Variants in POLR1A observed in about 807,000 individuals in gnomAD.
The protein encoded by POLR1A is RNA polymerase I subunit A, also known as DNA-directed RNA polymerase I subunit RPA1.
POLR1A carries 84 observed loss-of-function variants against 205.3 expected under a neutral mutation model. That is an observed-to-expected ratio of 0.41 (90% CI 0.34 to 0.49). POLR1A has a LOEUF of 0.49. Ranked by LOEUF, POLR1A falls within the 20% of genes least tolerant of loss-of-function variation. The pLI is 0.22. For missense variants in POLR1A, 1,645 were observed against 2,204.5 expected (o/e 0.75, Z 5.08); for synonymous variants, 799 against 863.7 (o/e 0.93, Z 1.31).
intron 18 of POLR1A, 107 bp from the exon 19 acceptor site, chr2:86,047,370 C>A: frequency 1.4e-6 from 1 of 734,902 alleles, no homozygotes; most frequent in South Asian, 1.6e-5. Flanking sequence ...AATATTTATT[C>A]AGACCTAAGT....
rs150125361 is a variant in POLR1A, at chr2:86,043,687, T to A, written c.3135+452A>T. ...TGGTCACTACAAGGGCATTAAGGTA[T>A]ACAATGAAAATCATGAGTTTGTGTC... On this transcript the variant is annotated intron_variant, in intron 22 of 33. Coordinates refer to ENST00000263857, the MANE Select transcript of POLR1A (RefSeq NM_015425.6). Among the ~76,000 whole-genome samples the A allele has an allele frequency of 2.0e-5, 3 of 152,268 alleles. No homozygotes were observed. In the East Asian group the frequency reaches 5.8e-4, roughly 29 times the overall value.
intron 1 of POLR1A, among the ~76,000 whole-genome samples, chr2:86,100,472 G>A (rs1673792451): frequency 6.6e-6 from 1 of 151,326 alleles, no homozygotes; most frequent in Non-Finnish European, 1.5e-5. Flanking sequence ...CTGGTAAACT[G>A]TTCATAAAAA....
rs940300113 is a variant in POLR1A at position 86,039,562 on chromosome 2, G to A, written c.3741-100C>T. The A allele has an allele frequency of 1.7e-5, 23 of 1,383,686 alleles. No homozygotes were observed. In the African/African-American group the frequency reaches 2.9e-4, roughly 17 times the overall value. The allele number at this position is 1,383,686 out of a possible 1,614,324, so 85.7% of individuals were successfully genotyped here. ...ATGTCAGAGTTCTTTTGGAATCTGAGAGAGGCCTGGGGATCTCACAGGGAT... is the reference window on the plus strand; with the variant it reads ...ATGTCAGAGTTCTTTTGGAATCTGAAAGAGGCCTGGGGATCTCACAGGGAT... On this transcript the variant is annotated intron_variant, in intron 25 of 33. Coordinates refer to ENST00000263857, the MANE Select transcript of POLR1A (RefSeq NM_015425.6).
intron 16 of POLR1A, among the ~76,000 whole-genome samples, chr2:86,049,893 A>T (rs1573811106): frequency 1.3e-5 from 2 of 149,988 alleles, no homozygotes; most frequent in Non-Finnish European, 3.0e-5. Context: ...TTCCACATCA[A>T]CTCTTGATCA....
In POLR1A at chr2:86,089,859, A is replaced by AGG; in HGVS notation, c.502_503insCC (p.Ile168ThrfsTer15). The AGG allele has an allele frequency of 6.2e-7, 1 of 1,613,004 alleles. No homozygotes were observed. Among genetic ancestry groups the AGG allele is most frequent in the South Asian group, 1.1e-5 (1 of 91,058 alleles). On this transcript the variant is annotated frameshift_variant, in exon 4 of 34. Transcript: ENST00000263857. LOFTEE classifies it high-confidence loss of function. Reference sequence around the variant, plus strand: ...GGACCCCAGGAGGTTGTTCTGCACAATTTCAGTTGTGTATTGTTCTAATTC... The same window carrying AGG: ...GGACCCCAGGAGGTTGTTCTGCACAAGGTTTCAGTTGTGTATTGTTCTAATTC...
intron 13 of POLR1A, among the ~76,000 whole-genome samples, chr2:86,066,100 G>C (rs1673078824): frequency 6.6e-6 from 1 of 152,184 alleles, no homozygotes; most frequent in African/African-American, 2.4e-5. Flanking sequence ...ATAGACTTGA[G>C]GTGAGGGGGA....
chr2:86,078,659 C>T (rs1673342052), intron 9 of POLR1A, among the ~76,000 whole-genome samples: 1 of 152,174 alleles, frequency 6.6e-6, no homozygotes, highest in African/African-American at 2.4e-5. Context: ...TGCCAGATAA[C>T]CAATTCTCAC....
chr2:86,086,389 C>T (rs772460279), intron 6 of POLR1A, among the ~76,000 whole-genome samples: 3 of 152,206 alleles, frequency 2.0e-5, no homozygotes, highest in Non-Finnish European at 4.4e-5. Context: ...CCCAGCCTAG[C>T]CCTCACTTTT....
intron 1 of POLR1A, 138 bp downstream of exon 1, chr2:86,105,562 C>G (rs1673910705): frequency 4.9e-6 from 3 of 617,394 alleles, no homozygotes; most frequent in Non-Finnish European, 8.6e-6. Context: ...GTTCCCAGAA[C>G]TACGGCTCCC....
intron 1 of POLR1A, among the ~76,000 whole-genome samples, chr2:86,102,552 T>C (rs751943845): frequency 6.6e-6 from 1 of 152,244 alleles, no homozygotes; most frequent in Non-Finnish European, 1.5e-5. Flanking sequence ...ACAAATATTT[T>C]CCCCCATTCC....
rs200206334 is a variant in POLR1A at position 86,042,066 on chromosome 2, C to T, written c.3395G>A (p.Arg1132Gln). The change falls in exon 24 of 34, where the codon CGA becomes CAA. Residue 1132 changes from arginine (R) to glutamine (Q), a missense_variant. By Grantham distance (43) the Arg-to-Gln change is conservative (BLOSUM62 1). Coordinates refer to ENST00000263857, the MANE Select transcript of POLR1A (RefSeq NM_015425.6). ...GGCCGCCTTCTTCTGGTATTTCCTT[C>T]GGCTTTCCTCATCCAACTCATACCA... ...RMWYELDEES[R>Q]RKYQKKAAAC... The T allele has an allele frequency of 7.4e-5, 120 of 1,613,134 alleles. 1 individual carries two copies. The highest frequency in any genetic ancestry group is 6.7e-4 in the African/African-American group (50 of 74,994).
chr2:86,061,167 C>G (rs1312521724), intron 14 of POLR1A, among the ~76,000 whole-genome samples: 1 of 152,116 alleles, frequency 6.6e-6, no homozygotes, highest in African/African-American at 2.4e-5. Flanking sequence ...ACAACAACAG[C>G]TGGGCGAGGT....
chr2:86,055,294 C>CAAAAAAAAAAAAAAAAA (rs1265267243), intron 14 of POLR1A, among the ~76,000 whole-genome samples: 2 of 150,874 alleles, frequency 1.3e-5, no homozygotes, highest in Non-Finnish European at 3.0e-5. Flanking sequence ...AACTCTGTCT[C>CAAAAAAAAAAAAAAAAA]AAGAAAAAAA....
At chr2:86,058,809 T>C (rs1261406770) in intron 14 of POLR1A, among the ~76,000 whole-genome samples, 3 of 152,160 alleles carry the variant, frequency 2.0e-5, no homozygotes, top group African/African-American at 7.2e-5. Flanking sequence ...AATTGTACTT[T>C]AAGAATTTAT....
chr2:86,099,262 C>T (rs1673767781), intron 2 of POLR1A, among the ~76,000 whole-genome samples: 2 of 151,294 alleles, frequency 1.3e-5, no homozygotes, highest in South Asian at 4.2e-4. Context: ...GAGGCTGAGG[C>T]ACAAGAATCA....
At chr2:86,054,701 G>C (rs1672864858) in intron 14 of POLR1A, among the ~76,000 whole-genome samples, 1 of 152,214 alleles carries the variant, frequency 6.6e-6, no homozygotes, top group African/African-American at 2.4e-5. Context: ...AAAAGCCAAG[G>C]AATCTTTCCC....
chr2:86,023,097 G>A lies in POLR1A; in HGVS notation c.*4326C>T, dbSNP rs1029295835. ...GTGTTTCTAAGGTCCAAAACTGAGA[G>A]CCTCTAAGTGGACTTTGGACGGAAG... On this transcript the variant is annotated 3_prime_UTR_variant, in exon 34 of 34. Transcript: ENST00000263857. The A allele has an allele frequency of 3.3e-5, 5 of 152,224 alleles. No individual in the cohort carries two copies. Among genetic ancestry groups the A allele is most frequent in the African/African-American group, 7.2e-5 (3 of 41,470 alleles). 9.4% of individuals were successfully genotyped at this position (152,224 alleles called of 1,614,324 possible). A position where few individuals can be genotyped will look rare whatever the true frequency, so the allele number is the denominator to read the frequency against.
intron 12 of POLR1A, among the ~76,000 whole-genome samples, chr2:86,072,290 G>C (rs1016377686): frequency 6.6e-6 from 1 of 152,214 alleles, no homozygotes; most frequent in Non-Finnish European, 1.5e-5. Context: ...GTTCCCATGA[G>C]CATCTGCCCA....
At chr2:86,103,987 T>C (rs1413606800) in intron 1 of POLR1A, among the ~76,000 whole-genome samples, 1 of 152,090 alleles carries the variant, frequency 6.6e-6, no homozygotes, top group Non-Finnish European at 1.5e-5. Flanking sequence ...TGCAGGTGGT[T>C]TAATAGGGCT....
Sources: allele counts gnomAD v4.1 joint callset (sites outside exome capture counted in the v4.1 genomes callset), GRCh38; gene constraint gnomAD v4.1.1; transcripts MANE v1.5; gene names NCBI Gene and HGNC (gene_info 2026-07-23, HGNC 2026-07-21).